Variants in ZMYM4 observed in about 807,000 individuals in gnomAD.
ZMYM4 encodes the protein zinc finger MYM-type containing 4, also known as zinc finger MYM-type protein 4.
ZMYM4 carries 31 observed loss-of-function variants against 183.2 expected under a neutral mutation model. The observed-to-expected ratio is 0.17, with a 90% CI of 0.13 to 0.23. The LOEUF is 0.23. Ranked by LOEUF, ZMYM4 falls within the 10% of genes least tolerant of loss-of-function variation. ZMYM4 has a pLI of 1.00. For missense variants in ZMYM4, 1,273 were observed against 1,840.3 expected (o/e 0.69, Z 5.64); for synonymous variants, 592 against 631.2 (o/e 0.94, Z 0.93).
rs1414368337 is a variant in ZMYM4 at position 35,352,267 on chromosome 1, GCGCACACACACA to G, written c.86-6656_86-6645del. 2.4e-3 allele frequency among the ~76,000 whole-genome samples: 190 copies of G among 78,274 alleles called. 2 individuals carry two copies. The East Asian group carries it at 0.041, about 17-fold the overall frequency. The allele number at this position is 78,274 out of a possible 152,430, so 51.4% of individuals were successfully genotyped here. A position where few individuals can be genotyped will look rare whatever the true frequency, so the allele number is the denominator to read the frequency against. On this transcript the variant is annotated intron_variant, in intron 2 of 29. Transcript: ENST00000314607. ...TTTAAAAATTAGCGCGCACGCGCGCGCGCACACACACACACACACACACACACACACACACAC... is the reference window on the plus strand; with the variant it reads ...TTTAAAAATTAGCGCGCACGCGCGCGCACACACACACACACACACACACAC...
intron 22 of ZMYM4, 64 bp downstream of exon 22, chr1:35,399,107 T>C (rs1644858164): frequency 6.6e-7 from 1 of 1,514,344 alleles, no homozygotes; most frequent in Admixed American, 1.8e-5. Context: ...CAACTCTGAA[T>C]TGACACTATT....
At chr1:35,351,518 C>A in intron 2 of ZMYM4, 1 of 1,302,984 alleles carries the variant, frequency 7.7e-7, no homozygotes, top group Non-Finnish European at 1.1e-6. Context: ...GTGGAACCAT[C>A]CCAAAATATC....
At chr1:35,379,931 G>T (rs149834854) in intron 7 of ZMYM4, among the ~76,000 whole-genome samples, 418 of 152,288 alleles carry the variant, frequency 2.7e-3, no homozygotes, top group African/African-American at 9.6e-3. Flanking sequence ...AATTACAATA[G>T]TAACATCAGT....
chr1:35,370,556 C>T lies in ZMYM4; in HGVS notation c.1110C>T (p.Leu370=). 6.2e-7 allele frequency: 1 copy of T among 1,613,536 alleles called. No individual in the cohort carries two copies. Among genetic ancestry groups the T allele is most frequent in the Non-Finnish European group, 8.5e-7 (1 of 1,179,806 alleles). The stretch of plus-strand genomic sequence containing the variant: ...AGCTATTCTGCTCCACACTGTGCCT[C>T]ACTGGATATACAGTTCCACCTGCCC... The part of the protein sequence containing the change: ...STQLFCSTLC[L]TGYTVPPARP... The change falls in exon 7 of 30, where the codon CTC becomes CTT. Residue 370 remains leucine (L), a synonymous_variant. Transcript: ENST00000314607.
rs1643591409 is a variant in ZMYM4, at chr1:35,351,142, T to C, written c.86-7783T>C. 4 of 1,116,354 alleles carry C rather than the reference T, an allele frequency of 3.6e-6. No homozygotes were observed. In the South Asian group the frequency reaches 4.9e-5, roughly 14 times the overall value. The allele number at this position is 1,116,354 out of a possible 1,614,324, so 69.2% of individuals were successfully genotyped here. A position where few individuals can be genotyped will look rare whatever the true frequency, so the allele number is the denominator to read the frequency against. ...GGCAATCTTGGTCAGCCACGTGCCT[T>C]TACCTGCTATTTGGATGCAGACCTT... On this transcript the variant is annotated intron_variant, in intron 2 of 29. Transcript: ENST00000314607.
intron 1 of ZMYM4, among the ~76,000 whole-genome samples, chr1:35,278,142 C>G (rs1639964444): frequency 6.6e-6 from 1 of 152,066 alleles, no homozygotes; most frequent in South Asian, 2.1e-4. Context: ...CTGTCTTTGC[C>G]TTCATCTTCC....
rs931886081 is a variant in ZMYM4 at position 35,389,852 on chromosome 1, A to G, written c.2437-96A>G. The G allele has an allele frequency of 4.7e-6, 6 of 1,285,822 alleles. No homozygotes were observed. In the Admixed American group the frequency reaches 1.5e-4, roughly 32 times the overall value. The allele number at this position is 1,285,822 out of a possible 1,614,324, so 79.7% of individuals were successfully genotyped here. On this transcript the variant is annotated intron_variant, in intron 14 of 29. Coordinates refer to ENST00000314607, the MANE Select transcript of ZMYM4 (RefSeq NM_005095.3). The surrounding 1 kb of genome is among the most constrained non-coding windows in gnomAD (Gnocchi z 4.0). ...AAACTAATTTTTTGATCTAAATTCT[A>G]AGTTAATTTCGTCACTTGTTATGTG...
chr1:35,375,935 C>G lies in ZMYM4; in HGVS notation c.1181+5308C>G, dbSNP rs74714796. ...TACAAAAAGTTAAAAAATTAACCAA[C>G]TGTGGTGCCACATGCCTGTAATCCC... On this transcript the variant is annotated intron_variant, in intron 7 of 29. Coordinates refer to ENST00000314607, the MANE Select transcript of ZMYM4 (RefSeq NM_005095.3). Among the ~76,000 whole-genome samples the G allele has an allele frequency of 3.3e-5, 5 of 152,026 alleles. No individual in the cohort carries two copies. In the East Asian group the frequency reaches 9.7e-4, roughly 29 times the overall value.
At chr1:35,331,381 A>G (rs1041108706) in intron 2 of ZMYM4, among the ~76,000 whole-genome samples, 1 of 152,142 alleles carries the variant, frequency 6.6e-6, no homozygotes, top group African/African-American at 2.4e-5. Context: ...TTAGTATACA[A>G]TTTTCAAATG....
chr1:35,358,990 A>G lies in ZMYM4; in HGVS notation c.151A>G (p.Ser51Gly), dbSNP rs1283086509. ...CCACAACTTAACTCCTACCCTTGAC[A>G]GCATGTCTTATGGAATGCCGAATCA... ...IDHNLTPTLD[S>G]MSYGMPNQTG... is the part of the protein sequence containing the mutation. The change falls in exon 3 of 30, where the codon AGC becomes GGC. Residue 51 changes from serine (S) to glycine (G), a missense_variant. By Grantham distance (56) the Ser-to-Gly change is moderately conservative (BLOSUM62 0). Coordinates refer to ENST00000314607, the MANE Select transcript of ZMYM4 (RefSeq NM_005095.3). The G allele has an allele frequency of 1.2e-6, 2 of 1,613,786 alleles. No homozygotes were observed. The highest frequency in any genetic ancestry group is 8.5e-7 in the Non-Finnish European group (1 of 1,179,740).
intron 2 of ZMYM4, among the ~76,000 whole-genome samples, chr1:35,326,475 CATG>C (rs1642508227): frequency 6.6e-6 from 1 of 152,170 alleles, no homozygotes; most frequent in Non-Finnish European, 1.5e-5. Context: ...CAATAATAAA[CATG>C]ATGGGCTCAC....
intron 2 of ZMYM4, among the ~76,000 whole-genome samples, chr1:35,328,269 A>T (rs563285431): frequency 6.3e-4 from 95 of 151,820 alleles, no homozygotes; most frequent in African/African-American, 2.2e-3. Flanking sequence ...TTACAAGCAG[A>T]ATGTTTTATT....
intron 1 of ZMYM4, among the ~76,000 whole-genome samples, chr1:35,322,222 T>C (rs772000509): frequency 6.6e-5 from 10 of 152,120 alleles, no homozygotes; most frequent in Non-Finnish European, 1.5e-4. Flanking sequence ...TCTATTGGGA[T>C]AGTACTCTTT....
In ZMYM4 at chr1:35,361,007, T is replaced by C. The variant is rs901769227; in HGVS notation, c.608-187T>C. On this transcript the variant is annotated intron_variant, in intron 3 of 29. Coordinates refer to ENST00000314607, the MANE Select transcript of ZMYM4 (RefSeq NM_005095.3). ...ATGTAGGGTAAGGCTAAAAGCTAGGTGGGGCCAGATTGTGCAGAACTTTGA... is the reference window on the plus strand; with the variant it reads ...ATGTAGGGTAAGGCTAAAAGCTAGGCGGGGCCAGATTGTGCAGAACTTTGA... 2.7e-5 allele frequency among the ~76,000 whole-genome samples: 4 copies of C among 148,586 alleles called. No homozygotes were observed. In the South Asian group the frequency reaches 8.5e-4, roughly 32 times the overall value.
intron 23 of ZMYM4, among the ~76,000 whole-genome samples, chr1:35,402,085 A>G (rs1414724316): frequency 2.0e-5 from 3 of 150,500 alleles, no homozygotes; most frequent in African/African-American, 4.9e-5. Flanking sequence ...GCATGTCTAT[A>G]TACATTTTGG....
At chr1:35,291,966 C>T (rs1409571195) in intron 1 of ZMYM4, among the ~76,000 whole-genome samples, 1 of 152,000 alleles carries the variant, frequency 6.6e-6, no homozygotes, top group Non-Finnish European at 1.5e-5. Context: ...GCCCTTTTTG[C>T]ACCACATTCC....
At position 35,394,273 on chromosome 1, in the gene ZMYM4, G is replaced by A. The variant is rs72897153; in HGVS notation, c.2911+534G>A. Among the ~76,000 whole-genome samples the A allele has an allele frequency of 3.5e-3, 494 of 142,076 alleles. 5 individuals are homozygous for A. The highest frequency in any genetic ancestry group is 0.018 in the South Asian group (78 of 4,404). The allele number at this position is 142,076 out of a possible 152,430, so 93.2% of individuals were successfully genotyped here. A position where few individuals can be genotyped will look rare whatever the true frequency, so the allele number is the denominator to read the frequency against. Reference sequence around the variant, plus strand: ...CAGGGTAGTAGTCTCTGGCCTTCTTGGCTTGCCTCCCCTGGCATGGAACTT... The same window carrying A: ...CAGGGTAGTAGTCTCTGGCCTTCTTAGCTTGCCTCCCCTGGCATGGAACTT... On this transcript the variant is annotated intron_variant, in intron 18 of 29. Transcript: ENST00000314607.
intron 2 of ZMYM4, chr1:35,351,516 A>G (rs958162317): frequency 3.1e-6 from 4 of 1,303,140 alleles, no homozygotes; most frequent in Non-Finnish European, 3.2e-6. Context: ...AGGTGGAACC[A>G]TCCCAAAATA....
intron 1 of ZMYM4, among the ~76,000 whole-genome samples, chr1:35,322,417 T>C (rs913970502): frequency 7.2e-5 from 11 of 152,026 alleles, no homozygotes; most frequent in African/African-American, 2.7e-4. Context: ...TCTAGGGCTT[T>C]TATTTTTTTT....
Sources: allele counts gnomAD v4.1 joint callset (sites outside exome capture counted in the v4.1 genomes callset), GRCh38; gene constraint gnomAD v4.1.1; non-coding constraint Gnocchi (gnomAD v3.1); transcripts MANE v1.5; gene names NCBI Gene and HGNC (gene_info 2026-07-23, HGNC 2026-07-21).